Variants in CEP128 observed in about 807,000 individuals in gnomAD.
The protein encoded by CEP128 is centrosomal protein 128kDa.
In CEP128, 132 loss-of-function variants were observed where a neutral mutation model predicts 156.7. The observed-to-expected ratio is 0.84, with a 90% CI of 0.73 to 0.97. CEP128 has a LOEUF of 0.97. CEP128 is among the 50% of genes least tolerant of loss of function. CEP128 has a pLI of 0.00. For synonymous variants in CEP128, 469 were observed against 448.9 expected (o/e 1.04, Z -0.57); for missense variants, 1,252 against 1,281.9 (o/e 0.98, Z 0.36).
At chr14:80,501,694 T>C (rs929640682) in intron 24 of CEP128, among the ~76,000 whole-genome samples, 9 of 151,652 alleles carry the variant, frequency 5.9e-5, no homozygotes, top group African/African-American at 1.9e-4. Flanking sequence ...TTAGTAGAGA[T>C]GGGGTTTCAC....
At chr14:80,629,649 T>A (rs1893882029) in intron 19 of CEP128, among the ~76,000 whole-genome samples, 1 of 152,042 alleles carries the variant, frequency 6.6e-6, no homozygotes, top group Non-Finnish European at 1.5e-5. Flanking sequence ...TAATAAAAGG[T>A]GTAGTCTCTA....
chr14:80,603,455 T>C (rs1015377944), intron 19 of CEP128, among the ~76,000 whole-genome samples: 1 of 152,214 alleles, frequency 6.6e-6, no homozygotes, highest in Non-Finnish European at 1.5e-5. Context: ...ATGAATACAC[T>C]AAAATGTACA....
chr14:80,512,029 G>C (rs1888282752), intron 23 of CEP128, among the ~76,000 whole-genome samples: 2 of 152,008 alleles, frequency 1.3e-5, no homozygotes, highest in Admixed American at 1.3e-4. Flanking sequence ...ATGTGCTGAG[G>C]AGAAGAATGT....
intron 19 of CEP128, among the ~76,000 whole-genome samples, chr14:80,596,850 G>GT (rs1159003854): frequency 3.2e-5 from 4 of 123,200 alleles, no homozygotes; most frequent in Non-Finnish European, 6.6e-5. Context: ...AAAGGTGGGG[G>GT]GGGGAGGAAA....
intron 17 of CEP128, among the ~76,000 whole-genome samples, chr14:80,757,982 C>T (rs2590480): frequency 0.67 from 101,329 of 152,108 alleles, 34,924 homozygotes; most frequent in African/African-American, 0.85. Flanking sequence ...CACAGTATTT[C>T]CTTCCTCTTC....
In CEP128 at chr14:80,572,950, T is replaced by A. The variant is rs184746337; in HGVS notation, c.2856+7424A>T. On this transcript the variant is annotated intron_variant, in intron 20 of 24. Transcript: ENST00000555265. ...TTTTGTTTTTTGTTTTTTGATGGAG[T>A]CTTGCTCTGTTGGCCAGGCTAGAGT... Among the ~76,000 whole-genome samples, 27 of 152,228 alleles carry A rather than the reference T, an allele frequency of 1.8e-4. No individual in the cohort carries two copies. In the East Asian group the frequency reaches 4.8e-3, roughly 27 times the overall value.
intron 2 of CEP128, among the ~76,000 whole-genome samples, chr14:80,925,830 G>C (rs911676063): frequency 2.0e-5 from 3 of 152,142 alleles, no homozygotes; most frequent in Non-Finnish European, 4.4e-5. Context: ...GTGGGGAGGA[G>C]AGACTGCCTC....
At chr14:80,599,552 G>T (rs1017763671) in intron 19 of CEP128, among the ~76,000 whole-genome samples, 1 of 152,048 alleles carries the variant, frequency 6.6e-6, no homozygotes, top group South Asian at 2.1e-4. Context: ...TGGGATTACA[G>T]GCATGAGCCA....
chr14:80,605,773 G>C (rs1005859519), intron 19 of CEP128, among the ~76,000 whole-genome samples: 1 of 152,024 alleles, frequency 6.6e-6, no homozygotes, highest in Non-Finnish European at 1.5e-5. Flanking sequence ...CCAAAGGGCA[G>C]TCAAGCATAC....
At chr14:80,919,914 G>A (rs1884763820) in intron 2 of CEP128, among the ~76,000 whole-genome samples, 1 of 152,070 alleles carries the variant, frequency 6.6e-6, no homozygotes, top group Non-Finnish European at 1.5e-5. Context: ...TGCATCTGAT[G>A]GAACTCCTTC....
chr14:80,880,693 A>C (rs1033041539), intron 8 of CEP128, among the ~76,000 whole-genome samples: 17 of 36,732 alleles, frequency 4.6e-4, no homozygotes, highest in African/African-American at 2.3e-3. Context: ...CCTCTCTACT[A>C]AAAAAAAAAA....
intron 19 of CEP128, among the ~76,000 whole-genome samples, chr14:80,703,109 A>G (rs540593525): frequency 6.6e-6 from 1 of 152,276 alleles, no homozygotes; most frequent in East Asian, 1.9e-4. Flanking sequence ...AGGAAAAAGA[A>G]GGCCAGAGAT....
intron 9 of CEP128, among the ~76,000 whole-genome samples, chr14:80,862,459 G>A (rs1887558937): frequency 6.6e-6 from 1 of 152,116 alleles, no homozygotes; most frequent in Non-Finnish European, 1.5e-5. Context: ...GAGCTGTATT[G>A]GCATTAATTC....
intron 19 of CEP128, among the ~76,000 whole-genome samples, chr14:80,679,210 A>G (rs1017271878): frequency 6.6e-6 from 1 of 152,202 alleles, no homozygotes; most frequent in Non-Finnish European, 1.5e-5. Flanking sequence ...GCACCTTGAA[A>G]ATGAACAGAA....
chr14:80,605,554 C>G (rs988891563), intron 19 of CEP128, among the ~76,000 whole-genome samples: 14 of 152,148 alleles, frequency 9.2e-5, no homozygotes, highest in African/African-American at 3.4e-4. Flanking sequence ...CTTATTCAGA[C>G]TCTTTTTAAA....
chr14:80,711,988 T>C (rs879294586), intron 19 of CEP128, among the ~76,000 whole-genome samples: 3 of 152,138 alleles, frequency 2.0e-5, no homozygotes, highest in Non-Finnish European at 4.4e-5. Flanking sequence ...GTATACGAAC[T>C]TAATTTGTTC....
intron 19 of CEP128, among the ~76,000 whole-genome samples, chr14:80,736,041 C>G (rs192651480): frequency 1.3e-5 from 2 of 152,098 alleles, no homozygotes; most frequent in Non-Finnish European, 2.9e-5. Context: ...GTATCCAACC[C>G]TGTTAGGTTG....
rs559684410 is a variant in CEP128 at position 80,627,899 on chromosome 14, G to C, written c.2807-47476C>G. On this transcript the variant is annotated intron_variant, in intron 19 of 24. Coordinates refer to ENST00000555265, the MANE Select transcript of CEP128 (RefSeq NM_152446.5). ...GCTATAAAATGAAAGTCCCATACCA[G>C]AGATTGTATTCTAATTCCCTTAAAA... 2.6e-5 allele frequency among the ~76,000 whole-genome samples: 4 copies of C among 152,220 alleles called. No homozygotes were observed. In the South Asian group the frequency reaches 8.3e-4, roughly 32 times the overall value.
chr14:80,630,934 GT>G (rs963328769), intron 19 of CEP128, among the ~76,000 whole-genome samples: 5 of 151,920 alleles, frequency 3.3e-5, no homozygotes, highest in African/African-American at 1.2e-4. Context: ...TTGGGCTTCT[GT>G]TTTTTACCCA....
Sources: gnomAD v4.1 joint callset for allele counts (sites outside exome capture counted in the v4.1 genomes callset) on GRCh38, gnomAD v4.1.1 for gene constraint, MANE v1.5 for transcripts, NCBI Gene and HGNC (gene_info 2026-07-23, HGNC 2026-07-21) for gene names.